TUBB6: variants seen among roughly 807,000 people sequenced by gnomAD.
TUBB6 encodes tubulin beta 6 class V.
Under a neutral mutation model 32.3 loss-of-function variants are expected in TUBB6, and 18 were observed. The observed-to-expected ratio is 0.56, with a 90% confidence interval of 0.39 to 0.83. The LOEUF is 0.83. Among genes scored for constraint, TUBB6 ranks in the 40% least tolerant of loss-of-function variants. The probability of loss-of-function intolerance (pLI) is 0.00; values close to 1 mark genes in which losing one functional copy is unlikely to be tolerated. For missense variants in TUBB6, 480 were observed against 632.0 expected, an observed-to-expected ratio of 0.76 and a Z score of 2.58; for synonymous variants, 280 against 265.8, an observed-to-expected ratio of 1.05 and a Z score of -0.52.
intron 3 of TUBB6, among the ~76,000 whole-genome samples, chr18:12,319,441 C>T (rs990539614): frequency 2.0e-5 from 3 of 152,002 alleles, no homozygotes; most frequent in South Asian, 2.1e-4. Flanking sequence ...CCACCGCGCC[C>T]GGCCCTGCTG....
chr18:12,323,462 A>G (rs949822340), intron 3 of TUBB6, among the ~76,000 whole-genome samples: 22 of 152,292 alleles, frequency 1.4e-4, no homozygotes, highest in Admixed American at 8.5e-4. Context: ...AATCTTTCAG[A>G]TTCAATTTTT....
At position 12,325,580 on chromosome 18, in the gene TUBB6, ACTT is replaced by A. The variant is rs1031523275; in HGVS notation, c.796_798del (p.Phe266del). The stretch of plus-strand genomic sequence containing the variant: ...AACATGGTGCCCTTCCCGCGCCTGC[ACTT>A]CTTCATGCCTGGCTTCGCGCCGCTC... On this transcript the variant is annotated inframe_deletion, in exon 4 of 4. Coordinates refer to ENST00000317702, the MANE Select transcript of TUBB6 (RefSeq NM_032525.3). The A allele has an allele frequency of 1.8e-5, 29 of 1,613,826 alleles. No homozygotes were observed. Among genetic ancestry groups the A allele is most frequent in the Non-Finnish European group, 2.4e-5 (28 of 1,179,998 alleles).
In TUBB6 at chr18:12,308,251, GTCGTC is replaced by G; in HGVS notation, c.-41_-37del. 1 of 1,377,012 alleles carries G rather than the reference GTCGTC, an allele frequency of 7.3e-7. No individual in the cohort carries two copies. 85.3% of individuals were successfully genotyped at this position (1,377,012 alleles called of 1,614,324 possible). ...GCGCAGCCGGCCCGCAGTTGCCGCT[GTCGTC>G]CGCAGAGCCAGTTCCTAGCGCAGAG... On this transcript the variant is annotated 5_prime_UTR_variant, in exon 1 of 4. Coordinates refer to ENST00000317702, the MANE Select transcript of TUBB6 (RefSeq NM_032525.3).
chr18:12,325,327 G>A lies in TUBB6; in HGVS notation c.538G>A (p.Val180Met), dbSNP rs764851311. 5.6e-6 allele frequency: 9 copies of A among 1,614,228 alleles called. No homozygotes were observed. Among genetic ancestry groups the A allele is most frequent in the Non-Finnish European group, 7.6e-6 (9 of 1,180,036 alleles). The change falls in exon 4 of 4, where the codon GTG becomes ATG. Residue 180 changes from valine to methionine, a missense_variant. Transcript: ENST00000317702. ...MPSPKVSDTVVEPYNATLSVH... is the reference protein window; with the variant it reads ...MPSPKVSDTVMEPYNATLSVH... ...CTCGCCCAAGGTGTCGGACACGGTG[G>A]TGGAGCCCTACAATGCCACACTGTC...
rs1295603554 is a variant in TUBB6, at chr18:12,308,267, G to A, written c.-26G>A. On this transcript the variant is annotated 5_prime_UTR_variant, in exon 1 of 4. Coordinates refer to ENST00000317702, the MANE Select transcript of TUBB6 (RefSeq NM_032525.3). The stretch of plus-strand genomic sequence containing the variant: ...GTTGCCGCTGTCGTCCGCAGAGCCA[G>A]TTCCTAGCGCAGAGCCGCGCCCGCC... 1 of 1,422,362 alleles carries A rather than the reference G, an allele frequency of 7.0e-7. No individual in the cohort carries two copies. The highest frequency in any genetic ancestry group is 2.4e-5 in the Admixed American group (1 of 42,552). The allele number at this position is 1,422,362 out of a possible 1,614,324, so 88.1% of individuals were successfully genotyped here. A position where few individuals can be genotyped will look rare whatever the true frequency, so the allele number is the denominator to read the frequency against.
chr18:12,324,432 C>T (rs1055126695), intron 3 of TUBB6, among the ~76,000 whole-genome samples: 5 of 131,944 alleles, frequency 3.8e-5, no homozygotes, highest in Non-Finnish European at 6.3e-5. Flanking sequence ...TTCAGAAAGC[C>T]CAAAGGAGAG....
At chr18:12,317,423 G>A (rs1906734375) in intron 3 of TUBB6, among the ~76,000 whole-genome samples, 1 of 152,094 alleles carries the variant, frequency 6.6e-6, no homozygotes, top group Admixed American at 6.5e-5. Context: ...AGCGGTGTTT[G>A]CGCCACTGCA....
At chr18:12,312,353 G>A (rs571740912) in intron 3 of TUBB6, among the ~76,000 whole-genome samples, 1 of 151,030 alleles carries the variant, frequency 6.6e-6, no homozygotes, top group Admixed American at 6.6e-5. Flanking sequence ...GTAAGACTGA[G>A]AGGCAGACAG....
intron 3 of TUBB6, among the ~76,000 whole-genome samples, chr18:12,315,966 C>A (rs1906652511): frequency 6.6e-6 from 1 of 152,186 alleles, no homozygotes; most frequent in Middle Eastern, 3.2e-3. Flanking sequence ...TATCAGTTGT[C>A]TCAAAGGTGT....
chr18:12,308,879 T>C, intron 2 of TUBB6, 84 bp downstream of exon 2: 1 of 906,116 alleles, frequency 1.1e-6, no homozygotes. Context: ...CGAGTTTGCT[T>C]CGGGAAAAGT....
Position 12,325,555 on chromosome 18 carries a change from A to G in TUBB6, c.766A>G (p.Asn256Asp), listed in dbSNP as rs1413250546. Residue 256 changes from asparagine to aspartate, a missense_variant, in exon 4 of 4, where the codon AAC (asparagine) becomes GAC (aspartate). Asn to Asp is a conservative substitution (Grantham distance 23). Coordinates refer to ENST00000317702, the MANE Select transcript of TUBB6 (RefSeq NM_032525.3). ...TGCTGACCTGCGCAAGCTGGCGGTG[A>G]ACATGGTGCCCTTCCCGCGCCTGCA... ...LNADLRKLAV[N>D]MVPFPRLHFF... is the part of the protein sequence containing the mutation. 4 of 1,614,020 alleles carry G rather than the reference A, an allele frequency of 2.5e-6. No individual in the cohort carries two copies.
At chr18:12,308,537 C>A (rs1906137077) in intron 1 of TUBB6, 150 bp from the exon 2 acceptor site, 2 of 729,600 alleles carry the variant, frequency 2.7e-6, no homozygotes, top group East Asian at 3.0e-5. Flanking sequence ...TTCTACTCTT[C>A]GCTCCCCACC....
Position 12,325,056 on chromosome 18 carries a change from C to G in TUBB6, c.278-11C>G. The G allele has an allele frequency of 6.4e-7, 1 of 1,557,816 alleles. No homozygotes were observed. The highest frequency in any genetic ancestry group is 8.7e-7 in the Non-Finnish European group (1 of 1,149,076). ...TCCTGTTTAAACGGCACGGGACTCT[C>G]TTTGTTGCAGGCCAGACGGGTGCAG... is the stretch of plus-strand genomic sequence containing the variant. On this transcript the variant is annotated splice_polypyrimidine_tract_variant and intron_variant, in intron 3 of 3. Transcript: ENST00000317702.
chr18:12,308,487 C>A, intron 1 of TUBB6, 138 bp downstream of exon 1: 8 of 798,090 alleles, frequency 1.0e-5, no homozygotes, highest in Non-Finnish European at 1.2e-5. Flanking sequence ...CCGCGAGGGC[C>A]GCAGGGAGGG....
chr18:12,317,188 G>A (rs1906721779), intron 3 of TUBB6, among the ~76,000 whole-genome samples: 1 of 151,944 alleles, frequency 6.6e-6, no homozygotes, highest in Admixed American at 6.6e-5. Context: ...TCCCAGTTGG[G>A]CAGTGGCTAA....
At chr18:12,324,482 G>A (rs1907162793) in intron 3 of TUBB6, among the ~76,000 whole-genome samples, 3 of 143,076 alleles carry the variant, frequency 2.1e-5, no homozygotes, top group Non-Finnish European at 4.5e-5. Context: ...CCATTCTGAC[G>A]CCCAAGCTGG....
intron 3 of TUBB6, among the ~76,000 whole-genome samples, chr18:12,323,247 T>A (rs1482122912): frequency 6.6e-6 from 1 of 152,122 alleles, no homozygotes; most frequent in African/African-American, 2.4e-5. Context: ...CACAGCAATG[T>A]ATGAAAGCCA....
At chr18:12,308,407 C>T in intron 1 of TUBB6, 58 bp downstream of exon 1, 3 of 1,260,284 alleles carry the variant, frequency 2.4e-6, no homozygotes, top group Non-Finnish European at 3.0e-6. Flanking sequence ...GGCCCCGGGT[C>T]TCCCGGCGCG....
At chr18:12,314,548 T>G (rs1568120976) in intron 3 of TUBB6, among the ~76,000 whole-genome samples, 1 of 152,096 alleles carries the variant, frequency 6.6e-6, no homozygotes, top group Non-Finnish European at 1.5e-5. Context: ...GGCCATACAG[T>G]GAAAACCCAC....
Sources: gnomAD v4.1 joint callset for allele counts (sites outside exome capture counted in the v4.1 genomes callset) on GRCh38, gnomAD v4.1.1 for gene constraint, MANE v1.5 for transcripts, NCBI Gene and HGNC (gene_info 2026-07-23, HGNC 2026-07-21) for gene names.